AP2B1: variants seen among roughly 807,000 people sequenced by gnomAD.
AP2B1 encodes AP-2 complex subunit beta.
AP2B1 carries 23 observed loss-of-function variants against 102.0 expected under a neutral mutation model. That is an observed-to-expected ratio of 0.23 (90% CI 0.16 to 0.32). The LOEUF (loss-of-function observed/expected upper bound fraction) is 0.32, where lower values mean the gene tolerates loss of function less well. Among genes scored for constraint, AP2B1 ranks in the 10% least tolerant of loss-of-function variants. AP2B1 has a pLI of 1.00. For synonymous variants in AP2B1, 381 were observed against 421.2 expected, an observed-to-expected ratio of 0.90 and a Z score of 1.17; for missense variants, 541 against 1,157.4, an observed-to-expected ratio of 0.47 and a Z score of 7.73.
intron 21 of AP2B1, among the ~76,000 whole-genome samples, chr17:35,720,495 C>T (rs782289061): frequency 5.7e-4 from 80 of 140,166 alleles, no homozygotes; most frequent in African/African-American, 1.9e-3. Flanking sequence ...ATTCTGTCCT[C>T]GTGGTTTAGC....
At chr17:35,635,610 C>G (rs1384386326) in intron 9 of AP2B1, among the ~76,000 whole-genome samples, 1 of 152,140 alleles carries the variant, frequency 6.6e-6, no homozygotes, top group African/African-American at 2.4e-5. Flanking sequence ...TCTTGAACTC[C>G]TGACCTCATG....
intron 14 of AP2B1, among the ~76,000 whole-genome samples, chr17:35,667,390 T>G (rs1343907854): frequency 6.6e-6 from 1 of 152,230 alleles, no homozygotes; most frequent in Non-Finnish European, 1.5e-5. Context: ...GCTGTGTCTC[T>G]GATATCTTTT....
At chr17:35,698,749 C>G (rs117238283) in intron 18 of AP2B1, among the ~76,000 whole-genome samples, 2 of 152,274 alleles carry the variant, frequency 1.3e-5, no homozygotes, top group East Asian at 3.9e-4. Context: ...GTGGGGGATT[C>G]TCTTTTAAAG....
chr17:35,692,937 C>T (rs1598301466), intron 18 of AP2B1, among the ~76,000 whole-genome samples: 1 of 151,418 alleles, frequency 6.6e-6, no homozygotes, highest in African/African-American at 2.4e-5. Context: ...TCTAAATGAC[C>T]CATTCTGTCT....
chr17:35,608,238 C>T lies in AP2B1; in HGVS notation c.376C>T (p.Leu126Phe), dbSNP rs142074091. 6.2e-7 allele frequency: 1 copy of T among 1,614,168 alleles called. No individual in the cohort carries two copies. Among genetic ancestry groups the T allele is most frequent in the East Asian group, 2.2e-5 (1 of 44,878 alleles). ...AATTACAGAATATCTCTGTGAGCCG[C>T]TCCGCAAGTGCTTGAAGGATGAGGA... ...DKITEYLCEP[L>F]RKCLKDEDPY... Residue 126 changes from leucine (L) to phenylalanine (F), a missense_variant, in exon 5 of 22, where the codon CTC (leucine) becomes TTC (phenylalanine). Physicochemically the swap from Leu to Phe is conservative, Grantham distance 22. This residue lies in a region of AP2B1 where 28 missense variants were observed against 98.3 expected (regional missense o/e 0.28). Transcript: ENST00000610402.
chr17:35,589,469 G>C (rs147615387), intron 1 of AP2B1, among the ~76,000 whole-genome samples: 6 of 152,142 alleles, frequency 3.9e-5, no homozygotes, highest in Admixed American at 3.9e-4. Flanking sequence ...TCTACCCAAG[G>C]TATTAATCTT....
chr17:35,598,202 C>T (rs377176082), intron 2 of AP2B1, 28 bp from the exon 3 acceptor site: 144 of 1,484,802 alleles, frequency 9.7e-5, no homozygotes, highest in Middle Eastern at 5.5e-4. Flanking sequence ...GTACTGGAAC[C>T]TTACCAGTTT....
intron 21 of AP2B1, among the ~76,000 whole-genome samples, chr17:35,720,619 C>T (rs587637095): frequency 7.4e-4 from 80 of 107,686 alleles, no homozygotes; most frequent in Non-Finnish European, 1.2e-3. Flanking sequence ...GATAGGGTCT[C>T]GCTATGTTGT....
At chr17:35,656,958 T>A (rs2075244399) in intron 13 of AP2B1, among the ~76,000 whole-genome samples, 1 of 152,064 alleles carries the variant, frequency 6.6e-6, no homozygotes. Flanking sequence ...TTCCTCCAAA[T>A]TTTACCAATC....
chr17:35,687,290 T>G (rs1008127099), intron 18 of AP2B1, among the ~76,000 whole-genome samples: 1 of 151,972 alleles, frequency 6.6e-6, no homozygotes, highest in Admixed American at 6.6e-5. Flanking sequence ...TTATATTTTT[T>G]AAAATTTTTT....
intron 20 of AP2B1, among the ~76,000 whole-genome samples, chr17:35,711,475 A>G (rs226438): frequency 0.79 from 117,085 of 148,992 alleles, 46,984 homozygotes; most frequent in East Asian, 0.97. Flanking sequence ...CCCCCACCCC[A>G]CTCCCCGGCC....
chr17:35,635,265 G>C (rs2074573356), intron 9 of AP2B1, among the ~76,000 whole-genome samples: 1 of 152,176 alleles, frequency 6.6e-6, no homozygotes, highest in South Asian at 2.1e-4. Flanking sequence ...TGTTGGCCAG[G>C]CTGGTCTAGA....
At chr17:35,691,405 C>G (rs2076038567) in intron 18 of AP2B1, among the ~76,000 whole-genome samples, 1 of 152,198 alleles carries the variant, frequency 6.6e-6, no homozygotes, top group Non-Finnish European at 1.5e-5. Context: ...AGCTATTGTA[C>G]CAGAAAAACT....
At chr17:35,636,316 T>G (rs1477548873) in intron 9 of AP2B1, 25 bp from the exon 10 acceptor site, 1 of 1,562,846 alleles carries the variant, frequency 6.4e-7, no homozygotes, top group East Asian at 2.2e-5. Flanking sequence ...ATCTGACTTC[T>G]CATTTTTTGT....
At chr17:35,627,610 A>C (rs776090119) in intron 8 of AP2B1, 21 bp from the exon 9 acceptor site, 2 of 1,613,482 alleles carry the variant, frequency 1.2e-6, no homozygotes, top group South Asian at 2.2e-5. Context: ...TTAATGATTA[A>C]CCACTTCCTG....
rs1440201183 is a variant in AP2B1 at position 35,599,780 on chromosome 17, T to C, written c.143+1445T>C. On this transcript the variant is annotated intron_variant, in intron 3 of 21. Coordinates refer to ENST00000610402, the MANE Select transcript of AP2B1 (RefSeq NM_001030006.2). Reference sequence around the variant, plus strand: ...AAAAAATTAGCCGGGCATGGTGGCATGTGCCTGTAATCCCAGCTACTCTAG... The same window carrying C: ...AAAAAATTAGCCGGGCATGGTGGCACGTGCCTGTAATCCCAGCTACTCTAG... Among the ~76,000 whole-genome samples the C allele has an allele frequency of 3.9e-5, 6 of 152,084 alleles. No homozygotes were observed. In the East Asian group the frequency reaches 5.8e-4, roughly 15 times the overall value.
At chr17:35,700,714 A>G (rs768963600) in intron 18 of AP2B1, among the ~76,000 whole-genome samples, 53 of 152,234 alleles carry the variant, frequency 3.5e-4, no homozygotes, top group Non-Finnish European at 6.3e-4. Flanking sequence ...CTGTCCCACC[A>G]TAAAGAGATT....
chr17:35,628,636 A>G (rs552743793), intron 9 of AP2B1, among the ~76,000 whole-genome samples: 1 of 152,260 alleles, frequency 6.6e-6, no homozygotes, highest in Admixed American at 6.5e-5. Context: ...GAACAACAAT[A>G]ATATTCTTAT....
chr17:35,702,272 T>C (rs1454355085), intron 18 of AP2B1, among the ~76,000 whole-genome samples: 1 of 152,168 alleles, frequency 6.6e-6, no homozygotes, highest in Non-Finnish European at 1.5e-5. Context: ...TACAAAAATA[T>C]GTTGGTCATG....
Sources: allele counts gnomAD v4.1 joint callset (sites outside exome capture counted in the v4.1 genomes callset), GRCh38; gene constraint gnomAD v4.1.1; regional missense constraint gnomAD v4.1.1; transcripts MANE v1.5; gene names NCBI Gene and HGNC (gene_info 2026-07-23, HGNC 2026-07-21).